Variants in ZNF727 observed in about 807,000 individuals in gnomAD.
The protein encoded by ZNF727 is zinc finger protein 727, also known as putative zinc finger protein 727.
ZNF727 carries 11 observed loss-of-function variants against 11.5 expected under a neutral mutation model. That is an observed-to-expected ratio of 0.95 (90% CI 0.60 to 1.58). The LOEUF is 1.58. ZNF727 is among the 40% of genes most tolerant of loss of function. The pLI is 0.00. For synonymous variants in ZNF727, 171 were observed against 196.1 expected, an observed-to-expected ratio of 0.87 and a Z score of 1.07; for missense variants, 533 against 581.7, an observed-to-expected ratio of 0.92 and a Z score of 0.86.
In ZNF727 at chr7:64,077,272, TCAGC is replaced by T; in HGVS notation, c.227-3_227del. The T allele has an allele frequency of 2.0e-6, 3 of 1,479,746 alleles. No individual in the cohort carries two copies. Among genetic ancestry groups the T allele is most frequent in the Non-Finnish European group, 2.7e-6 (3 of 1,117,712 alleles). The allele number at this position is 1,479,746 out of a possible 1,614,324, so 91.7% of individuals were successfully genotyped here. A position where few individuals can be genotyped will look rare whatever the true frequency, so the allele number is the denominator to read the frequency against. ...AAATTTTGTGGTTCTTTTTTTTTTT[TCAGC>T]TGGCTCTTTGCATTTTACTGCAGAG... On this transcript the variant is annotated splice_acceptor_variant and splice_polypyrimidine_tract_variant and coding_sequence_variant and intron_variant, in exon 4 of 4. Coordinates refer to ENST00000456806, the MANE Select transcript of ZNF727 (RefSeq NM_001159522.3). LOFTEE classifies it high-confidence loss of function.
At chr7:64,057,633 C>G (rs1054991947) in intron 1 of ZNF727, among the ~76,000 whole-genome samples, 1 of 151,940 alleles carries the variant, frequency 6.6e-6, no homozygotes, top group Non-Finnish European at 1.5e-5. Flanking sequence ...ATCTATGCAG[C>G]AAACTACCAT....
chr7:64,052,303 A>G (rs1193620883), intron 1 of ZNF727, among the ~76,000 whole-genome samples: 1 of 151,330 alleles, frequency 6.6e-6, no homozygotes, highest in African/African-American at 2.4e-5. Context: ...TCATCCTAAC[A>G]CCTCCAGATA....
chr7:64,074,414 T>C (rs1790010575), intron 3 of ZNF727, among the ~76,000 whole-genome samples: 1 of 152,168 alleles, frequency 6.6e-6, no homozygotes, highest in Non-Finnish European at 1.5e-5. Context: ...ATCTAAATAA[T>C]GTAACTGCTC....
At chr7:64,062,787 G>T (rs1789793679) in intron 1 of ZNF727, among the ~76,000 whole-genome samples, 1 of 144,844 alleles carries the variant, frequency 6.9e-6, no homozygotes, top group South Asian at 2.2e-4. Context: ...TTTTAGAATT[G>T]CCCTCTTGAG....
chr7:64,068,820 C>T (rs1228642379), intron 1 of ZNF727, 71 bp from the exon 2 acceptor site: 6 of 1,522,934 alleles, frequency 3.9e-6, no homozygotes, highest in Non-Finnish European at 5.3e-6. Flanking sequence ...GCTCTCTTTA[C>T]TCTCATTTTA....
chr7:64,066,485 A>C (rs1005549054), intron 1 of ZNF727, among the ~76,000 whole-genome samples: 2 of 132,990 alleles, frequency 1.5e-5, no homozygotes, highest in African/African-American at 5.9e-5. Context: ...CAGAGGCCTC[A>C]GAAATAATAC....
Position 64,078,678 on chromosome 7 carries a change from G to A in ZNF727, c.*129G>A, listed in dbSNP as rs532432726. 1 of 1,284,222 alleles carries A rather than the reference G, an allele frequency of 7.8e-7. No individual in the cohort carries two copies. The highest frequency in any genetic ancestry group is 1.1e-6 in the Non-Finnish European group (1 of 890,398). 79.6% of individuals were successfully genotyped at this position (1,284,222 alleles called of 1,614,324 possible). On this transcript the variant is annotated 3_prime_UTR_variant, in exon 4 of 4. Transcript: ENST00000456806. ...CTACATTTGTGAAGAATGTGGCAAAGCCTTTATCCGCTCCTCAACCCTTAC... is the reference window on the plus strand; with the variant it reads ...CTACATTTGTGAAGAATGTGGCAAAACCTTTATCCGCTCCTCAACCCTTAC...
intron 3 of ZNF727, among the ~76,000 whole-genome samples, chr7:64,071,450 CTTG>C (rs1205539213): frequency 6.6e-6 from 1 of 151,854 alleles, no homozygotes; most frequent in Non-Finnish European, 1.5e-5. Flanking sequence ...ATTTTTAAAT[CTTG>C]TTATTATTAC....
At chr7:64,064,473 G>A (rs768855432) in intron 1 of ZNF727, among the ~76,000 whole-genome samples, 1 of 152,090 alleles carries the variant, frequency 6.6e-6, no homozygotes, top group African/African-American at 2.4e-5. Flanking sequence ...CAAGCTGCGG[G>A]ACAAAGTCTT....
In ZNF727 at chr7:64,077,316, C is replaced by T. The variant is rs761761791; in HGVS notation, c.267C>T (p.His89=). 4.0e-5 allele frequency: 62 copies of T among 1,547,510 alleles called. No individual in the cohort carries two copies. The highest frequency in any genetic ancestry group is 1.2e-4 in the South Asian group (10 of 83,498). ...TTACTGCAGAGATATTGCTGGAGCACGACATAAACGATTCATTTCAAAAAG... is the reference window on the plus strand; with the variant it reads ...TTACTGCAGAGATATTGCTGGAGCATGACATAAACGATTCATTTCAAAAAG... The part of the protein sequence containing the change: ...LHFTAEILLE[H]DINDSFQKVI... Residue 89 remains histidine (H), a synonymous_variant, in exon 4 of 4, where the codon CAC becomes CAT. Transcript: ENST00000456806.
At chr7:64,045,654 G>T (rs1562788167) in intron 1 of ZNF727, 30 bp downstream of exon 1, 4 of 1,558,032 alleles carry the variant, frequency 2.6e-6, no homozygotes, top group Non-Finnish European at 3.5e-6. Context: ...GTCCCGAGAA[G>T]GGGGAAGAGG....
At chr7:64,051,980 A>C (rs566899717) in intron 1 of ZNF727, among the ~76,000 whole-genome samples, 2 of 152,192 alleles carry the variant, frequency 1.3e-5, no homozygotes, top group Non-Finnish European at 2.9e-5. Flanking sequence ...AGGCATTTGC[A>C]AGGTGAAGCT....
rs1236036086 is a variant in ZNF727, at chr7:64,083,126, T to C, written c.*4577T>C. Reference sequence around the variant, plus strand: ...GTAGCTGGAGACCCTGGTTGGGAACTGCTTTGCAGTGAGGAGGAATGAGAT... The same window carrying C: ...GTAGCTGGAGACCCTGGTTGGGAACCGCTTTGCAGTGAGGAGGAATGAGAT... On this transcript the variant is annotated 3_prime_UTR_variant, in exon 4 of 4. Transcript: ENST00000456806. 6.6e-6 allele frequency among the ~76,000 whole-genome samples: 1 copy of C among 152,218 alleles called. No homozygotes were observed. Among genetic ancestry groups the C allele is most frequent in the African/African-American group, 2.4e-5 (1 of 41,462 alleles).
At chr7:64,048,320 T>A (rs555401039) in intron 1 of ZNF727, among the ~76,000 whole-genome samples, 1 of 152,310 alleles carries the variant, frequency 6.6e-6, no homozygotes, top group Admixed American at 6.5e-5. Flanking sequence ...GATTCTGAGG[T>A]CTGTTCTGTT....
intron 1 of ZNF727, among the ~76,000 whole-genome samples, chr7:64,046,087 C>T (rs1235945328): frequency 6.6e-6 from 1 of 152,188 alleles, no homozygotes; most frequent in Non-Finnish European, 1.5e-5. Flanking sequence ...AAGATTTCGG[C>T]TCACTGCAGC....
chr7:64,068,041 CT>C (rs1164388880), intron 1 of ZNF727, among the ~76,000 whole-genome samples: 2 of 151,994 alleles, frequency 1.3e-5, no homozygotes, highest in African/African-American at 4.8e-5. Flanking sequence ...TAAGTTGACC[CT>C]TTTTTGTGTT....
intron 1 of ZNF727, among the ~76,000 whole-genome samples, chr7:64,052,298 C>T (rs1789610908): frequency 6.6e-6 from 1 of 151,818 alleles, no homozygotes; most frequent in Non-Finnish European, 1.5e-5. Context: ...GAAACTCATC[C>T]TAACACCTCC....
chr7:64,069,851 G>GT (rs755982057), intron 3 of ZNF727, among the ~76,000 whole-genome samples: 24 of 151,396 alleles, frequency 1.6e-4, no homozygotes, highest in African/African-American at 2.9e-4. Flanking sequence ...TGTTTTTTTT[G>GT]TTTTTTGTGG....
chr7:64,075,584 C>T (rs1790027692), intron 3 of ZNF727, among the ~76,000 whole-genome samples: 2 of 152,008 alleles, frequency 1.3e-5, no homozygotes, highest in Non-Finnish European at 2.9e-5. Context: ...TTTGTAGCAA[C>T]ACTGATGCAG....
Sources: gnomAD v4.1 joint callset for allele counts (sites outside exome capture counted in the v4.1 genomes callset) on GRCh38, gnomAD v4.1.1 for gene constraint, MANE v1.5 for transcripts, NCBI Gene and HGNC (gene_info 2026-07-23, HGNC 2026-07-21) for gene names.